VIL1: variants seen among roughly 807,000 people sequenced by gnomAD.
VIL1 encodes villin-1.
A neutral mutation model predicts 104.0 loss-of-function variants in VIL1; 86 were observed. The ratio of observed to expected loss-of-function variants is 0.83; its 90% CI spans 0.69 to 0.99. The LOEUF (loss-of-function observed/expected upper bound fraction) is 0.99, where lower values mean the gene tolerates loss of function less well. Ranked by LOEUF, VIL1 falls within the 50% of genes least tolerant of loss-of-function variation. VIL1 has a pLI of 0.00. For missense variants in VIL1, 944 were observed against 1,054.1 expected (o/e 0.90, Z 1.45); for synonymous variants, 394 against 412.6 (o/e 0.95, Z 0.55).
intron 1 of VIL1, 69 bp from the exon 2 acceptor site, chr2:218,423,699 T>C (rs568039949): frequency 6.5e-7 from 1 of 1,528,408 alleles, no homozygotes; most frequent in Admixed American, 1.7e-5. Context: ...TTGGGAGTTC[T>C]CTAGGGGCAG....
intron 1 of VIL1, among the ~76,000 whole-genome samples, chr2:218,422,826 G>T (rs766784668): frequency 6.6e-6 from 1 of 152,156 alleles, no homozygotes; most frequent in African/African-American, 2.4e-5. Flanking sequence ...CATGGAGATC[G>T]GGGTGGCCTC....
chr2:218,437,252 G>A lies in VIL1; in HGVS notation c.2100G>A (p.Gln700=). 1 of 1,614,226 alleles carries A rather than the reference G, an allele frequency of 6.2e-7. No homozygotes were observed. The highest frequency in any genetic ancestry group is 1.1e-5 in the South Asian group (1 of 91,086). ...AGACCCCCATCATTGTGGTGAAGCA[G>A]GGACACGAGCCCCCCACCTTCACAG... is the stretch of plus-strand genomic sequence containing the variant. ...DPETPIIVVK[Q]GHEPPTFTGW... The change falls in exon 17 of 20, where the codon CAG becomes CAA. Residue 700 remains glutamine, a synonymous_variant. Transcript: ENST00000248444.
chr2:218,425,111 C>T (rs552816765), intron 3 of VIL1, among the ~76,000 whole-genome samples: 7 of 152,144 alleles, frequency 4.6e-5, no homozygotes, highest in East Asian at 1.9e-4. Flanking sequence ...GACAGAGTCT[C>T]GCTCTGTCGC....
chr2:218,449,128 C>T (rs1461696249), intron 19 of VIL1, 95 bp from the exon 20 acceptor site: 1 of 829,788 alleles, frequency 1.2e-6, no homozygotes, highest in Non-Finnish European at 2.1e-6. Flanking sequence ...TGATTATATA[C>T]CACATCTATG....
In VIL1 at chr2:218,425,815, G is replaced by A; in HGVS notation, c.347+4G>A. Reference sequence around the variant, plus strand: ...GCTACTTCAAGCAAGGCCTTGTGTAGGGAGGGTGGGCTGCAGGCCGGGGGA... The same window carrying A: ...GCTACTTCAAGCAAGGCCTTGTGTAAGGAGGGTGGGCTGCAGGCCGGGGGA... On this transcript the variant is annotated splice_donor_region_variant and intron_variant, in intron 4 of 19. Coordinates refer to ENST00000248444, the MANE Select transcript of VIL1 (RefSeq NM_007127.3). 1 of 1,601,652 alleles carries A rather than the reference G, an allele frequency of 6.2e-7. No individual in the cohort carries two copies. Among genetic ancestry groups the A allele is most frequent in the South Asian group, 1.1e-5 (1 of 89,550 alleles).
intron 15 of VIL1, 77 bp from the exon 16 acceptor site, chr2:218,436,405 C>T (rs1689190357): frequency 7.1e-6 from 11 of 1,546,656 alleles, no homozygotes; most frequent in Non-Finnish European, 8.7e-7. Context: ...AGAGTCCCTT[C>T]CTCAGAGTTC....
chr2:218,441,963 G>C (rs1689291346), intron 19 of VIL1, among the ~76,000 whole-genome samples: 1 of 151,958 alleles, frequency 6.6e-6, no homozygotes, highest in Admixed American at 6.6e-5. Flanking sequence ...CTCCAGCCTG[G>C]GCGACAAGAG....
rs921796442 is a variant in VIL1 at position 218,449,719 on chromosome 2, G to A, written c.*383G>A. ...TTTTATCTATGGCAGGTAGGCTGAA[G>A]CACTTTGCAGGTTTACATCTTCCCC... On this transcript the variant is annotated 3_prime_UTR_variant, in exon 20 of 20. Coordinates refer to ENST00000248444, the MANE Select transcript of VIL1 (RefSeq NM_007127.3). 1 of 179,256 alleles carries A rather than the reference G, an allele frequency of 5.6e-6. No homozygotes were observed. The allele number at this position is 179,256 out of a possible 1,614,324, so 11.1% of individuals were successfully genotyped here.
intron 6 of VIL1, 50 bp downstream of exon 6, chr2:218,428,387 C>A: frequency 6.6e-7 from 1 of 1,514,952 alleles, no homozygotes; most frequent in Non-Finnish European, 9.2e-7. Context: ...AGACTGCCCC[C>A]ACCTGCTCCT....
At chr2:218,448,843 A>G (rs374338350) in intron 19 of VIL1, among the ~76,000 whole-genome samples, 1 of 152,220 alleles carries the variant, frequency 6.6e-6, no homozygotes, top group South Asian at 2.1e-4. Context: ...CGTCTCTACT[A>G]AAAACACAAA....
Position 218,452,062 on chromosome 2 carries a change from C to T in VIL1, c.*2726C>T, listed in dbSNP as rs1161871887. ...ATTAACAGCATCCAGCCACATGCAACTTTCCAACCTTCAGTACTATTAGGT... is the reference window on the plus strand; with the variant it reads ...ATTAACAGCATCCAGCCACATGCAATTTTCCAACCTTCAGTACTATTAGGT... On this transcript the variant is annotated 3_prime_UTR_variant, in exon 20 of 20. Transcript: ENST00000248444. 6.6e-6 allele frequency: 1 copy of T among 152,622 alleles called. No individual in the cohort carries two copies. Among genetic ancestry groups the T allele is most frequent in the African/African-American group, 2.4e-5 (1 of 41,456 alleles). The allele number at this position is 152,622 out of a possible 1,614,324, so 9.5% of individuals were successfully genotyped here.
At chr2:218,445,340 C>T (rs763623182) in intron 19 of VIL1, among the ~76,000 whole-genome samples, 6 of 152,094 alleles carry the variant, frequency 3.9e-5, no homozygotes, top group Non-Finnish European at 8.8e-5. Flanking sequence ...ATTGGGGCTG[C>T]AGGTGATCTG....
At chr2:218,425,182 G>T (rs571085204) in intron 3 of VIL1, among the ~76,000 whole-genome samples, 13 of 152,334 alleles carry the variant, frequency 8.5e-5, no homozygotes, top group African/African-American at 2.9e-4. Context: ...CTGGATTCAA[G>T]CGATTCTCGT....
At chr2:218,431,536 G>A (rs1245477922) in intron 10 of VIL1, among the ~76,000 whole-genome samples, 1 of 152,088 alleles carries the variant, frequency 6.6e-6, no homozygotes, top group Non-Finnish European at 1.5e-5. Flanking sequence ...ACATTGCACA[G>A]CTCCCTATTG....
At chr2:218,422,325 G>C (rs1688909818) in intron 1 of VIL1, among the ~76,000 whole-genome samples, 1 of 152,172 alleles carries the variant, frequency 6.6e-6, no homozygotes, top group Non-Finnish European at 1.5e-5. Context: ...AAATGAAACA[G>C]AAAACGGTCT....
chr2:218,427,841 T>C (rs1429202971), intron 4 of VIL1, 124 bp from the exon 5 acceptor site: 7 of 832,884 alleles, frequency 8.4e-6, no homozygotes, highest in Admixed American at 2.0e-5. Context: ...CAGCACCTCA[T>C]TGACCTCGCC....
Position 218,430,747 on chromosome 2 carries a change from A to ACC in VIL1, c.973_974dup (p.Pro326HisfsTer34). The stretch of plus-strand genomic sequence containing the variant: ...CAGAACTTCATCAAAGCCAAGCAGT[A>ACC]CCCACCAAGCACACAGGTGGAGGTG... On this transcript the variant is annotated frameshift_variant, in exon 10 of 20. Coordinates refer to ENST00000248444, the MANE Select transcript of VIL1 (RefSeq NM_007127.3). LOFTEE classifies it high-confidence loss of function. The ACC allele has an allele frequency of 4.4e-6, 7 of 1,606,876 alleles. No homozygotes were observed. Among genetic ancestry groups the ACC allele is most frequent in the Non-Finnish European group, 6.0e-6 (7 of 1,176,068 alleles).
At chr2:218,440,423 C>T (rs1280193596) in intron 18 of VIL1, among the ~76,000 whole-genome samples, 1 of 152,156 alleles carries the variant, frequency 6.6e-6, no homozygotes, top group East Asian at 1.9e-4. Flanking sequence ...GCGCCTGACA[C>T]CACACCTGGC....
intron 1 of VIL1, among the ~76,000 whole-genome samples, chr2:218,422,016 G>A (rs1032014414): frequency 6.6e-6 from 1 of 152,180 alleles, no homozygotes; most frequent in South Asian, 2.1e-4. Context: ...CAATTTAGGA[G>A]GCTGAGGCGG....
Sources: gnomAD v4.1 joint callset for allele counts (sites outside exome capture counted in the v4.1 genomes callset) on GRCh38, gnomAD v4.1.1 for gene constraint, MANE v1.5 for transcripts, NCBI Gene and HGNC (gene_info 2026-07-23, HGNC 2026-07-21) for gene names.